The following C21orf91 variants were observed in gnomAD, a reference collection of about 807,000 sequenced individuals.
C21orf91 encodes the protein protein EURL homolog.
A neutral mutation model predicts 32.9 loss-of-function variants in C21orf91; 26 were observed. The observed-to-expected ratio is 0.79, with a 90% confidence interval of 0.58 to 1.10. The LOEUF is 1.10. Ranked by LOEUF, C21orf91 falls within the 50% of genes least tolerant of loss-of-function variation. The pLI is 0.00. For synonymous variants in C21orf91, 126 were observed against 120.4 expected (o/e 1.05, Z -0.31); for missense variants, 310 against 341.3 (o/e 0.91, Z 0.72).
Position 17,793,382 on chromosome 21 carries a change from A to C in C21orf91, c.*33T>G. On this transcript the variant is annotated 3_prime_UTR_variant, in exon 5 of 5. Coordinates refer to ENST00000284881, the MANE Select transcript of C21orf91 (RefSeq NM_001100420.2). ...AGTTTGCATGTCTGGGAGACCAATA[A>C]AGGGCAGGGCATACGAAGTAAGTCT... The C allele has an allele frequency of 6.7e-7, 1 of 1,484,900 alleles. No homozygotes were observed. Among genetic ancestry groups the C allele is most frequent in the South Asian group, 1.4e-5 (1 of 71,246 alleles). 92.0% of individuals were successfully genotyped at this position (1,484,900 alleles called of 1,614,324 possible).
intron 4 of C21orf91, 107 bp downstream of exon 4, chr21:17,795,101 T>C: frequency 2.6e-6 from 2 of 781,266 alleles, no homozygotes; most frequent in African/African-American, 1.7e-5. Flanking sequence ...GGTTTGAATA[T>C]CTCATTTCCA....
At chr21:17,817,864 T>TA (rs550271445) in intron 2 of C21orf91, 68 of 188,776 alleles carry the variant, frequency 3.6e-4, no homozygotes, top group Non-Finnish European at 6.3e-4. Flanking sequence ...CTTCTTAATA[T>TA]AAAAAACACA....
At chr21:17,797,194 T>C in intron 2 of C21orf91, 76 bp from the exon 3 acceptor site, 1 of 938,542 alleles carries the variant, frequency 1.1e-6, no homozygotes, top group East Asian at 2.4e-5. Context: ...ATACAAATCT[T>C]AGTAAAATCA....
chr21:17,794,366 G>C (rs146869199), intron 4 of C21orf91, among the ~76,000 whole-genome samples: 2 of 152,314 alleles, frequency 1.3e-5, no homozygotes, highest in East Asian at 3.9e-4. Context: ...TGACGTTAAG[G>C]AATTATTAAC....
chr21:17,806,384 GT>G (rs1444974013), intron 2 of C21orf91, among the ~76,000 whole-genome samples: 7 of 152,136 alleles, frequency 4.6e-5, no homozygotes, highest in Non-Finnish European at 8.8e-5. Context: ...AAAGGGAAAA[GT>G]TTTTTTCCTT....
chr21:17,804,600 G>C lies in C21orf91; in HGVS notation c.128-7482C>G, dbSNP rs77490923. ...CAGATGGGTTCAGAAACTTGCTTCCGCACATTTTGAGAATTACTGCCCTAA... is the reference window on the plus strand; with the variant it reads ...CAGATGGGTTCAGAAACTTGCTTCCCCACATTTTGAGAATTACTGCCCTAA... On this transcript the variant is annotated intron_variant, in intron 2 of 4. Coordinates refer to ENST00000284881, the MANE Select transcript of C21orf91 (RefSeq NM_001100420.2). Among the ~76,000 whole-genome samples, 374 of 152,276 alleles carry C rather than the reference G, an allele frequency of 2.5e-3. 10 individuals carry two copies. In the East Asian group the frequency reaches 0.068, roughly 28 times the overall value.
At chr21:17,802,246 T>C (rs143303914) in intron 2 of C21orf91, among the ~76,000 whole-genome samples, 1,745 of 152,298 alleles carry the variant, frequency 0.011, 59 homozygotes, top group Admixed American at 0.036. Flanking sequence ...CTGCAACCTC[T>C]GCCTCCTGGG....
intron 1 of C21orf91, 199 bp downstream of exon 1, chr21:17,819,104 C>T (rs1240757016): frequency 6.6e-6 from 1 of 152,234 alleles, no homozygotes; most frequent in Admixed American, 6.5e-5. Flanking sequence ...GGGTCCTGGC[C>T]CGGCCTTCGG....
intron 2 of C21orf91, among the ~76,000 whole-genome samples, chr21:17,798,695 A>G (rs1185048579): frequency 2.0e-5 from 3 of 152,224 alleles, no homozygotes; most frequent in Admixed American, 2.0e-4. Flanking sequence ...TATAAATCTC[A>G]AAGCTTTATT....
At chr21:17,812,199 A>C (rs936032803) in intron 2 of C21orf91, among the ~76,000 whole-genome samples, 4 of 152,180 alleles carry the variant, frequency 2.6e-5, no homozygotes, top group Non-Finnish European at 5.9e-5. Flanking sequence ...ACTTATCACC[A>C]ATTAAGCCTA....
intron 2 of C21orf91, chr21:17,813,841 T>TA (rs2062648502): frequency 6.6e-6 from 1 of 152,176 alleles, no homozygotes; most frequent in African/African-American, 2.4e-5. Flanking sequence ...TCCAATCTTA[T>TA]AAAAAAGTTT....
chr21:17,797,339 CTTAA>C lies in C21orf91; in HGVS notation c.128-225_128-222del, dbSNP rs141554408. Among the ~76,000 whole-genome samples, 403 of 151,936 alleles carry C rather than the reference CTTAA, an allele frequency of 2.7e-3. 9 individuals carry two copies. The East Asian group carries it at 0.067, about 25-fold the overall frequency. ...ATGGATAGCAAAATCTTTCTAAGAA[CTTAA>C]TTATTCAATTTTAATCCTAGTCTAG... On this transcript the variant is annotated intron_variant, in intron 2 of 4. Coordinates refer to ENST00000284881, the MANE Select transcript of C21orf91 (RefSeq NM_001100420.2).
chr21:17,801,484 A>T (rs2062560541), intron 2 of C21orf91, among the ~76,000 whole-genome samples: 1 of 152,008 alleles, frequency 6.6e-6, no homozygotes, highest in Non-Finnish European at 1.5e-5. Flanking sequence ...GTTAGCCAGG[A>T]TGGTCTCGAT....
At chr21:17,803,467 C>T (rs1007734874) in intron 2 of C21orf91, among the ~76,000 whole-genome samples, 5 of 151,952 alleles carry the variant, frequency 3.3e-5, no homozygotes, top group African/African-American at 9.7e-5. Context: ...GCCACGACTG[C>T]GCCTCTACAC....
At chr21:17,803,383 T>C (rs909283661) in intron 2 of C21orf91, among the ~76,000 whole-genome samples, 1 of 152,152 alleles carries the variant, frequency 6.6e-6, no homozygotes, top group Non-Finnish European at 1.5e-5. Flanking sequence ...TAGCCCAGCA[T>C]GGTGCATGCA....
At chr21:17,814,054 T>C (rs1168548799) in intron 2 of C21orf91, 1 of 152,030 alleles carries the variant, frequency 6.6e-6, no homozygotes, top group Non-Finnish European at 1.5e-5. Context: ...AAGCCAATTA[T>C]AGGAAGAGAG....
chr21:17,794,420 T>C (rs1056256249), intron 4 of C21orf91, among the ~76,000 whole-genome samples: 1 of 152,230 alleles, frequency 6.6e-6, no homozygotes, highest in African/African-American at 2.4e-5. Flanking sequence ...TTTTAAAAAG[T>C]TATCTCTTTT....
At chr21:17,793,841 G>A (rs2062497221) in intron 4 of C21orf91, among the ~76,000 whole-genome samples, 1 of 152,164 alleles carries the variant, frequency 6.6e-6, no homozygotes. Flanking sequence ...AATGGTGGTT[G>A]CTACTGTAGC....
intron 2 of C21orf91, among the ~76,000 whole-genome samples, chr21:17,806,804 C>T (rs2062597696): frequency 6.6e-6 from 1 of 152,062 alleles, no homozygotes; most frequent in Non-Finnish European, 1.5e-5. Context: ...CCTGTCACTG[C>T]ACTCCAGCCT....
Sources: allele counts gnomAD v4.1 joint callset (sites outside exome capture counted in the v4.1 genomes callset), GRCh38; gene constraint gnomAD v4.1.1; transcripts MANE v1.5; gene names NCBI Gene and HGNC (gene_info 2026-07-23, HGNC 2026-07-21).